The following MACROD2 variants were observed in gnomAD, a reference collection of about 807,000 sequenced individuals.
MACROD2 encodes the protein ADP-ribose glycohydrolase MACROD2.
A neutral mutation model predicts 70.4 loss-of-function variants in MACROD2; 36 were observed. The observed-to-expected ratio is 0.51, with a 90% CI of 0.39 to 0.68. MACROD2 has a LOEUF of 0.68. Ranked by LOEUF, MACROD2 falls within the 30% of genes least tolerant of loss-of-function variation. The pLI is 0.00. For synonymous variants in MACROD2, 172 were observed against 178.8 expected, an observed-to-expected ratio of 0.96 and a Z score of 0.30; for missense variants, 496 against 538.4, an observed-to-expected ratio of 0.92 and a Z score of 0.78.
At chr20:15,734,130 A>T (rs1393907195) in intron 8 of MACROD2, among the ~76,000 whole-genome samples, 1 of 152,192 alleles carries the variant, frequency 6.6e-6, no homozygotes, top group Non-Finnish European at 1.5e-5. Context: ...GAGGAATAGG[A>T]GTTTGACATG....
chr20:14,743,096 A>G (rs1489031494), intron 5 of MACROD2, among the ~76,000 whole-genome samples: 2 of 152,110 alleles, frequency 1.3e-5, no homozygotes, highest in Non-Finnish European at 2.9e-5. Context: ...CTTGACTGGT[A>G]TTAAGAAAGC....
chr20:15,690,033 A>G (rs894111156), intron 8 of MACROD2, among the ~76,000 whole-genome samples: 3 of 152,216 alleles, frequency 2.0e-5, no homozygotes, highest in African/African-American at 7.2e-5. Context: ...TCTAGTTGTG[A>G]GTGCAATGAA....
At chr20:15,956,223 G>A (rs1269906363) in intron 12 of MACROD2, among the ~76,000 whole-genome samples, 1 of 152,168 alleles carries the variant, frequency 6.6e-6, no homozygotes, top group African/African-American at 2.4e-5. Flanking sequence ...TTGTTCTTAA[G>A]GAGTTCTTGC....
At chr20:14,404,381 C>A (rs538001014) in intron 3 of MACROD2, among the ~76,000 whole-genome samples, 1 of 152,128 alleles carries the variant, frequency 6.6e-6, no homozygotes, top group East Asian at 1.9e-4. Flanking sequence ...AATCCCAGCA[C>A]TTTGGAAGGC....
chr20:15,873,467 T>C (rs1475151284), intron 9 of MACROD2, among the ~76,000 whole-genome samples: 1 of 152,236 alleles, frequency 6.6e-6, no homozygotes, highest in Non-Finnish European at 1.5e-5. Context: ...GTTATTTATC[T>C]AAATTTCTTA....
At chr20:15,554,937 A>T (rs1276874395) in intron 8 of MACROD2, among the ~76,000 whole-genome samples, 1 of 152,230 alleles carries the variant, frequency 6.6e-6, no homozygotes, top group African/African-American at 2.4e-5. Flanking sequence ...TATTCATTTC[A>T]AACCATACAA....
At chr20:15,531,385 C>A (rs917012692) in intron 8 of MACROD2, among the ~76,000 whole-genome samples, 2 of 151,446 alleles carry the variant, frequency 1.3e-5, no homozygotes, top group Non-Finnish European at 3.0e-5. Context: ...TTCTTCTCCT[C>A]CAGCTTATTA....
intron 2 of MACROD2, among the ~76,000 whole-genome samples, chr20:14,022,651 GT>G (rs2053103208): frequency 6.6e-6 from 1 of 151,912 alleles, no homozygotes. Context: ...GTGTCCACGT[GT>G]TCTCATTTTT....
chr20:15,310,503 G>A (rs2077740502), intron 6 of MACROD2, among the ~76,000 whole-genome samples: 2 of 152,096 alleles, frequency 1.3e-5, no homozygotes, highest in Non-Finnish European at 2.9e-5. Flanking sequence ...AAATAAAATG[G>A]TTCACTGGAA....
At chr20:15,909,514 ATTTTTTTTTTT>A (rs10617621) in intron 10 of MACROD2, among the ~76,000 whole-genome samples, 4 of 70,812 alleles carry the variant, frequency 5.6e-5, no homozygotes, top group South Asian at 8.0e-4. Flanking sequence ...ACATAATACA[ATTTTTTTTTTT>A]TTTTTTTTTT....
Position 15,176,037 on chromosome 20 carries a change from G to A in MACROD2, c.419-53903G>A, listed in dbSNP as rs1306862046. Among the ~76,000 whole-genome samples the A allele has an allele frequency of 2.0e-5, 3 of 152,238 alleles. 1 individual carries two copies. The highest frequency in any genetic ancestry group is 2.0e-4 in the Admixed American group (3 of 15,286). The stretch of plus-strand genomic sequence containing the variant: ...CCCTGCTCCCAGTACCCTCTCTGCT[G>A]CAGAGCAAAGTTGTGGCTGAGGCTG... On this transcript the variant is annotated intron_variant, in intron 5 of 17. Coordinates refer to ENST00000684519, the MANE Select transcript of MACROD2 (RefSeq NM_001351661.2).
chr20:15,838,260 A>G (rs899474083), intron 8 of MACROD2, among the ~76,000 whole-genome samples: 5 of 152,154 alleles, frequency 3.3e-5, no homozygotes, highest in Admixed American at 1.3e-4. Context: ...GAAGCTCCCA[A>G]TGCTCTTCAG....
At chr20:15,352,872 A>G (rs1353197266) in intron 6 of MACROD2, among the ~76,000 whole-genome samples, 1 of 152,038 alleles carries the variant, frequency 6.6e-6, no homozygotes, top group Admixed American at 6.6e-5. Flanking sequence ...CAAATGGAAG[A>G]ACATTCCATG....
intron 5 of MACROD2, among the ~76,000 whole-genome samples, chr20:15,012,210 A>G (rs1188872916): frequency 6.6e-6 from 1 of 152,228 alleles, no homozygotes; most frequent in African/African-American, 2.4e-5. Context: ...ATGGCAAACC[A>G]TCGTGAACAG....
At chr20:14,675,489 C>A (rs2070848821) in intron 4 of MACROD2, among the ~76,000 whole-genome samples, 1 of 152,140 alleles carries the variant, frequency 6.6e-6, no homozygotes, top group Non-Finnish European at 1.5e-5. Context: ...AAATCCTTTA[C>A]AGACAAGCGG....
At chr20:14,990,521 T>C (rs1417151197) in intron 5 of MACROD2, among the ~76,000 whole-genome samples, 2 of 148,820 alleles carry the variant, frequency 1.3e-5, no homozygotes, top group African/African-American at 2.5e-5. Flanking sequence ...TTTTCTTTTT[T>C]TTTTTTTTTT....
intron 4 of MACROD2, among the ~76,000 whole-genome samples, chr20:14,683,034 C>G (rs542434234): frequency 5.9e-5 from 9 of 152,152 alleles, no homozygotes; most frequent in Non-Finnish European, 1.3e-4. Flanking sequence ...CATGCACCAC[C>G]ACACCCGGCT....
rs2074771404 is a variant in MACROD2, at chr20:14,978,938, A to ATT, written c.419-251002_419-251001insTT. 2.1e-5 allele frequency among the ~76,000 whole-genome samples: 3 copies of ATT among 142,980 alleles called. No individual in the cohort carries two copies. The East Asian group carries it at 5.9e-4, about 28-fold the overall frequency. The allele number at this position is 142,980 out of a possible 152,430, so 93.8% of individuals were successfully genotyped here. On this transcript the variant is annotated intron_variant, in intron 5 of 17. Coordinates refer to ENST00000684519, the MANE Select transcript of MACROD2 (RefSeq NM_001351661.2). ...TAATATATATCATAATATATATCAT[A>ATT]ATATATATAATCATATATATATATA...
chr20:14,613,862 C>A (rs1209430005), intron 4 of MACROD2, among the ~76,000 whole-genome samples: 1 of 152,032 alleles, frequency 6.6e-6, no homozygotes, highest in African/African-American at 2.4e-5. Flanking sequence ...TTATCTAGCT[C>A]ATTTTTACCT....
Sources: gnomAD v4.1 joint callset for allele counts (sites outside exome capture counted in the v4.1 genomes callset) on GRCh38, gnomAD v4.1.1 for gene constraint, MANE v1.5 for transcripts, NCBI Gene and HGNC (gene_info 2026-07-23, HGNC 2026-07-21) for gene names.